LINGO2: variants seen among roughly 807,000 people sequenced by gnomAD.
LINGO2 encodes leucine-rich repeat and immunoglobulin-like domain-containing nogo receptor-interacting protein 2.
LINGO2 carries 14 observed loss-of-function variants against 30.6 expected under a neutral mutation model. That is an observed-to-expected ratio of 0.46 (90% CI 0.30 to 0.72). The LOEUF (loss-of-function observed/expected upper bound fraction) is 0.72, where lower values mean the gene tolerates loss of function less well. Among genes scored for constraint, LINGO2 ranks in the 30% least tolerant of loss-of-function variants. LINGO2 has a pLI of 0.07. For missense variants in LINGO2, 729 were observed against 751.7 expected (o/e 0.97, Z 0.35); for synonymous variants, 317 against 288.5 (o/e 1.10, Z -1.00).
At chr9:28,152,966 G>A (rs1049073723) in intron 4 of LINGO2, among the ~76,000 whole-genome samples, 1 of 152,036 alleles carries the variant, frequency 6.6e-6, no homozygotes, top group Non-Finnish European at 1.5e-5. Context: ...AGAAACTCCA[G>A]GACTAATTGC....
At chr9:28,802,973 C>A in the LINGO2 span, among the ~76,000 whole-genome samples, 1 of 151,914 alleles carries the variant, frequency 6.6e-6, no homozygotes, top group Non-Finnish European at 1.5e-5. Context: ...GGTATCATTA[C>A]CTTAAAACAT....
intron 5 of LINGO2, among the ~76,000 whole-genome samples, chr9:27,980,121 GAGAA>G (rs1238594098): frequency 6.6e-6 from 1 of 152,024 alleles, no homozygotes; most frequent in East Asian, 1.9e-4. Flanking sequence ...CCTTGATACT[GAGAA>G]AGAAAGGTGC....
intron 5 of LINGO2, among the ~76,000 whole-genome samples, chr9:27,970,395 G>A (rs767345134): frequency 3.3e-5 from 5 of 152,140 alleles, no homozygotes; most frequent in Non-Finnish European, 7.4e-5. Flanking sequence ...TAAATCTGAA[G>A]AAACGTATCT....
In LINGO2 at chr9:28,509,786, A is replaced by T. The variant is rs566521653; in HGVS notation, c.-364-33761T>A. Among the ~76,000 whole-genome samples, 6 of 152,356 alleles carry T rather than the reference A, an allele frequency of 3.9e-5. No homozygotes were observed. The South Asian group carries it at 1.2e-3, about 32-fold the overall frequency. On this transcript the variant is annotated intron_variant, in intron 1 of 5. Transcript: ENST00000379992. ...ACTTTCAGTTTCCAGAATTGCAAGG[A>T]AATAAAAGTTCATTGTTTTAGTCAT...
chr9:27,989,306 C>T (rs1431673079), intron 5 of LINGO2, among the ~76,000 whole-genome samples: 1 of 151,880 alleles, frequency 6.6e-6, no homozygotes, highest in Non-Finnish European at 1.5e-5. Context: ...CTGATTTGTT[C>T]ATTTTTGATT....
chr9:28,904,851 A>G, the LINGO2 span, among the ~76,000 whole-genome samples: 1 of 152,112 alleles, frequency 6.6e-6, no homozygotes, highest in Non-Finnish European at 1.5e-5. Context: ...TAAAATTTGT[A>G]TGATACCACA....
At chr9:29,132,573 A>C in the LINGO2 span, among the ~76,000 whole-genome samples, 1 of 152,274 alleles carries the variant, frequency 6.6e-6, no homozygotes, top group African/African-American at 2.4e-5. Context: ...AAAATAAAGT[A>C]ACCAGCGTTC....
chr9:28,182,879 C>T (rs773724496), intron 4 of LINGO2, among the ~76,000 whole-genome samples: 9 of 152,124 alleles, frequency 5.9e-5, no homozygotes, highest in Non-Finnish European at 1.2e-4. Flanking sequence ...TTAGTTCAAC[C>T]ATTGTAGAAG....
chr9:28,221,561 G>A (rs1261659904), intron 4 of LINGO2, among the ~76,000 whole-genome samples: 1 of 152,078 alleles, frequency 6.6e-6, no homozygotes, highest in African/African-American at 2.4e-5. Context: ...AATCAGGCAA[G>A]TTTAGAAATT....
chr9:28,929,288 T>C, the LINGO2 span, among the ~76,000 whole-genome samples: 1 of 152,200 alleles, frequency 6.6e-6, no homozygotes, highest in African/African-American at 2.4e-5. Flanking sequence ...TTGGCTTTTG[T>C]TGTTCAAAAG....
At chr9:28,847,112 C>T in the LINGO2 span, among the ~76,000 whole-genome samples, 1 of 147,918 alleles carries the variant, frequency 6.8e-6, no homozygotes, top group Non-Finnish European at 1.5e-5. Flanking sequence ...AACTATAATT[C>T]TCTCAATCAG....
intron 5 of LINGO2, among the ~76,000 whole-genome samples, chr9:28,003,755 G>A (rs1822111216): frequency 6.6e-6 from 1 of 152,216 alleles, no homozygotes; most frequent in African/African-American, 2.4e-5. Flanking sequence ...AAATATGCCA[G>A]AGGAACTTAA....
intron 4 of LINGO2, among the ~76,000 whole-genome samples, chr9:28,215,229 G>C (rs911218137): frequency 6.6e-6 from 1 of 151,798 alleles, no homozygotes; most frequent in African/African-American, 2.4e-5. Flanking sequence ...TTCTCCTTTA[G>C]AATTTCCCAT....
chr9:28,910,939 G>C, the LINGO2 span, among the ~76,000 whole-genome samples: 1 of 152,022 alleles, frequency 6.6e-6, no homozygotes, highest in East Asian at 1.9e-4. Context: ...ATATAGTTCA[G>C]ATTATATGAA....
the LINGO2 span, among the ~76,000 whole-genome samples, chr9:29,014,017 C>A: frequency 6.6e-6 from 1 of 152,044 alleles, no homozygotes; most frequent in Non-Finnish European, 1.5e-5. Context: ...TCCCTCTCTG[C>A]CTCTCACTTT....
At chr9:28,772,366 T>C in the LINGO2 span, among the ~76,000 whole-genome samples, 23 of 152,204 alleles carry the variant, frequency 1.5e-4, no homozygotes, top group Non-Finnish European at 2.8e-4. Flanking sequence ...ATCTTTACTA[T>C]TAGTAACATC....
intron 1 of LINGO2, among the ~76,000 whole-genome samples, chr9:28,640,508 C>G (rs960614261): frequency 9.1e-5 from 13 of 143,432 alleles, no homozygotes; most frequent in African/African-American, 3.4e-4. Context: ...TTCTTGGAGG[C>G]CTTGTTCTTT....
intron 4 of LINGO2, among the ~76,000 whole-genome samples, chr9:28,190,453 G>A (rs1819781796): frequency 6.6e-6 from 1 of 152,032 alleles, no homozygotes; most frequent in Non-Finnish European, 1.5e-5. Flanking sequence ...TTAGGAGGTG[G>A]GGCCATTGAG....
chr9:28,993,893 A>C, the LINGO2 span, among the ~76,000 whole-genome samples: 1 of 152,142 alleles, frequency 6.6e-6, no homozygotes, highest in Non-Finnish European at 1.5e-5. Context: ...TATCTATGAC[A>C]GACCCACAGC....
Sources: gnomAD v4.1 joint callset for allele counts (sites outside exome capture counted in the v4.1 genomes callset) on GRCh38, gnomAD v4.1.1 for gene constraint, MANE v1.5 for transcripts, NCBI Gene and HGNC (gene_info 2026-07-23, HGNC 2026-07-21) for gene names.